The following PSMD12 variants were observed in gnomAD, a reference collection of about 807,000 sequenced individuals.
PSMD12 encodes 26S proteasome non-ATPase regulatory subunit 12.
A neutral mutation model predicts 62.9 loss-of-function variants in PSMD12; 8 were observed. That is an observed-to-expected ratio of 0.13 (90% CI 0.07 to 0.23). PSMD12 has a LOEUF of 0.23. Among genes scored for constraint, PSMD12 ranks in the 10% least tolerant of loss-of-function variants. PSMD12 has a pLI of 1.00. For missense variants in PSMD12, 424 were observed against 550.2 expected, an observed-to-expected ratio of 0.77 and a Z score of 2.29; for synonymous variants, 173 against 187.4, an observed-to-expected ratio of 0.92 and a Z score of 0.63.
At position 67,347,325 on chromosome 17, in the gene PSMD12, G is replaced by A. The variant is rs770414021; in HGVS notation, c.660+11C>T. 1 of 1,613,350 alleles carries A rather than the reference G, an allele frequency of 6.2e-7. No homozygotes were observed. The highest frequency in any genetic ancestry group is 8.5e-7 in the Non-Finnish European group (1 of 1,179,652). On this transcript the variant is annotated intron_variant, in intron 6 of 10. Coordinates refer to ENST00000356126, the MANE Select transcript of PSMD12 (RefSeq NM_002816.5). ...CTTTTAAAGTAAACATGTGGTCACAGATATGCTCACCTCTGTATTTTCTTC... is the reference window on the plus strand; with the variant it reads ...CTTTTAAAGTAAACATGTGGTCACAAATATGCTCACCTCTGTATTTTCTTC...
chr17:67,353,814 TGA>T (rs1214419840), intron 3 of PSMD12, among the ~76,000 whole-genome samples: 8 of 152,194 alleles, frequency 5.3e-5, no homozygotes, highest in African/African-American at 1.4e-4. Flanking sequence ...TAGCCAGCGG[TGA>T]GAGAGACTCA....
At chr17:67,366,366 G>A in intron 1 of PSMD12, 46 bp downstream of exon 1, 1 of 1,555,368 alleles carries the variant, frequency 6.4e-7, no homozygotes, top group East Asian at 2.4e-5. Flanking sequence ...TCCGCGCCGT[G>A]ACTCAGCCCC....
At chr17:67,346,785 T>C (rs2041971501) in intron 7 of PSMD12, among the ~76,000 whole-genome samples, 1 of 152,226 alleles carries the variant, frequency 6.6e-6, no homozygotes, top group Non-Finnish European at 1.5e-5. Context: ...GTTAGCAGTA[T>C]AAATGTGGAA....
chr17:67,362,244 C>T (rs1431035979), intron 1 of PSMD12, among the ~76,000 whole-genome samples: 1 of 151,992 alleles, frequency 6.6e-6, no homozygotes, highest in African/African-American at 2.4e-5. Context: ...CAGAAAAGGC[C>T]CTCCTTAATT....
At chr17:67,363,527 T>C (rs919994874) in intron 1 of PSMD12, among the ~76,000 whole-genome samples, 2 of 152,342 alleles carry the variant, frequency 1.3e-5, no homozygotes, top group Non-Finnish European at 2.9e-5. Flanking sequence ...AAGAACACTA[T>C]TCTTTTTACC....
At chr17:67,363,222 G>A (rs757157364) in intron 1 of PSMD12, among the ~76,000 whole-genome samples, 1 of 152,082 alleles carries the variant, frequency 6.6e-6, no homozygotes, top group Admixed American at 6.5e-5. Context: ...TGCGATCATA[G>A]CTCACTGCAA....
At chr17:67,341,469 C>CA (rs71368819) in intron 10 of PSMD12, among the ~76,000 whole-genome samples, 21,292 of 51,016 alleles carry the variant, frequency 0.42, 5,207 homozygotes, top group East Asian at 0.5. Context: ...GACTCTGCCT[C>CA]AAAAAAAAAA....
At chr17:67,344,870 CTGT>C (rs757233871) in intron 8 of PSMD12, 90 bp from the exon 9 acceptor site, 48 of 1,109,592 alleles carry the variant, frequency 4.3e-5, no homozygotes, top group East Asian at 3.9e-4. Flanking sequence ...TCAGCAAAGA[CTGT>C]TTTCGTTAAA....
intron 1 of PSMD12, chr17:67,361,235 C>T (rs2042125093): frequency 6.6e-6 from 1 of 152,136 alleles, no homozygotes; most frequent in African/African-American, 2.4e-5. Context: ...TGAATGAATC[C>T]AATCTTTCAA....
At chr17:67,348,677 A>G (rs753016268) in intron 4 of PSMD12, 23 bp from the exon 5 acceptor site, 1 of 1,587,252 alleles carries the variant, frequency 6.3e-7, no homozygotes, top group East Asian at 2.2e-5. Context: ...AATTTACACA[A>G]TCAAAATTCC....
Position 67,340,247 on chromosome 17 carries a change from G to T in PSMD12, c.*596C>A, listed in dbSNP as rs931319676. The T allele has an allele frequency of 1.8e-5, 2 of 108,388 alleles. No individual in the cohort carries two copies. Among genetic ancestry groups the T allele is most frequent in the Non-Finnish European group, 4.0e-5 (2 of 49,822 alleles). 6.7% of individuals were successfully genotyped at this position (108,388 alleles called of 1,614,324 possible). On this transcript the variant is annotated 3_prime_UTR_variant, in exon 11 of 11. Transcript: ENST00000356126. ...CAAGCTACTGTGATTGGAACCAGCC[G>T]GACTCAAAAAAAAAAAAAAAAAAGT...
intron 1 of PSMD12, among the ~76,000 whole-genome samples, chr17:67,364,732 C>T (rs1283221154): frequency 6.6e-6 from 1 of 152,150 alleles, no homozygotes; most frequent in Non-Finnish European, 1.5e-5. Flanking sequence ...AGATTAGTAT[C>T]CAATTTCTAA....
At chr17:67,359,483 AT>A (rs1379584497) in intron 1 of PSMD12, among the ~76,000 whole-genome samples, 2 of 152,088 alleles carry the variant, frequency 1.3e-5, no homozygotes, top group African/African-American at 2.4e-5. Flanking sequence ...CCAAAAATGA[AT>A]TTTTTTTATC....
intron 1 of PSMD12, among the ~76,000 whole-genome samples, 169 bp downstream of exon 1, chr17:67,366,243 C>A (rs1283893240): frequency 6.6e-6 from 1 of 152,230 alleles, no homozygotes; most frequent in Non-Finnish European, 1.5e-5. Flanking sequence ...GCGTACTCCG[C>A]AGCCCTGGCC....
chr17:67,342,273 GGATA>G lies in PSMD12; in HGVS notation c.1084-14_1084-11del. ...CCATTATTCTAATATTCTGGGGAGAGGATAGAGAGCAGGGAGAACACGTAACATT... is the reference window on the plus strand; with the variant it reads ...CCATTATTCTAATATTCTGGGGAGAGGAGAGCAGGGAGAACACGTAACATT... On this transcript the variant is annotated splice_polypyrimidine_tract_variant and intron_variant, in intron 9 of 10. Coordinates refer to ENST00000356126, the MANE Select transcript of PSMD12 (RefSeq NM_002816.5). The G allele has an allele frequency of 6.5e-7, 1 of 1,530,294 alleles. No homozygotes were observed. The highest frequency in any genetic ancestry group is 1.1e-5 in the South Asian group (1 of 88,360). The allele number at this position is 1,530,294 out of a possible 1,614,324, so 94.8% of individuals were successfully genotyped here. A position where few individuals can be genotyped will look rare whatever the true frequency, so the allele number is the denominator to read the frequency against.
At chr17:67,341,469 CA>C (rs71368819) in intron 10 of PSMD12, among the ~76,000 whole-genome samples, 61 of 51,142 alleles carry the variant, frequency 1.2e-3, no homozygotes, top group African/African-American at 2.9e-3. Flanking sequence ...GACTCTGCCT[CA>C]AAAAAAAAAA....
At chr17:67,363,826 G>T (rs1390017415) in intron 1 of PSMD12, among the ~76,000 whole-genome samples, 1 of 152,114 alleles carries the variant, frequency 6.6e-6, no homozygotes, top group Non-Finnish European at 1.5e-5. Context: ...GAGACAGGTG[G>T]ATCACCTGAG....
At chr17:67,342,660 G>A (rs1412461957) in intron 9 of PSMD12, among the ~76,000 whole-genome samples, 2 of 151,976 alleles carry the variant, frequency 1.3e-5, no homozygotes. Flanking sequence ...AGATCGATCG[G>A]GTGCAGGGAC....
At chr17:67,341,606 C>G (rs190986755) in intron 10 of PSMD12, among the ~76,000 whole-genome samples, 14 of 151,922 alleles carry the variant, frequency 9.2e-5, no homozygotes, top group Non-Finnish European at 1.6e-4. Flanking sequence ...TGCCTCCTTG[C>G]AAGCTCAATA....
Sources: gnomAD v4.1 joint callset for allele counts (sites outside exome capture counted in the v4.1 genomes callset) on GRCh38, gnomAD v4.1.1 for gene constraint, MANE v1.5 for transcripts, NCBI Gene and HGNC (gene_info 2026-07-23, HGNC 2026-07-21) for gene names.